NOX4: variants seen among roughly 807,000 people sequenced by gnomAD.
NOX4 encodes the protein kidney oxidase-1.
A neutral mutation model predicts 87.6 loss-of-function variants in NOX4; 69 were observed. The observed-to-expected ratio is 0.79, with a 90% CI of 0.65 to 0.96. The LOEUF is 0.96. Among genes scored for constraint, NOX4 ranks in the 40% least tolerant of loss-of-function variants. The probability of loss-of-function intolerance (pLI) is 0.00; values close to 1 mark genes in which losing one functional copy is unlikely to be tolerated. For synonymous variants in NOX4, 275 were observed against 238.2 expected (o/e 1.15, Z -1.42); for missense variants, 680 against 681.5 (o/e 1.00, Z 0.02).
chr11:89,375,105 G>A (rs373232145), intron 11 of NOX4, among the ~76,000 whole-genome samples: 2 of 152,022 alleles, frequency 1.3e-5, no homozygotes, highest in Non-Finnish European at 2.9e-5. Flanking sequence ...TATGTCCAAG[G>A]TTTGGAATTA....
At chr11:89,377,378 C>T (rs1398963206) in intron 11 of NOX4, among the ~76,000 whole-genome samples, 2 of 152,096 alleles carry the variant, frequency 1.3e-5, no homozygotes, top group Admixed American at 1.3e-4. Context: ...CTAGAATACA[C>T]ATTCACCTAA....
the NOX4 span, among the ~76,000 whole-genome samples, chr11:89,555,832 A>G: frequency 6.6e-6 from 1 of 152,316 alleles, no homozygotes; most frequent in South Asian, 2.1e-4. Context: ...TAGCTAGTAA[A>G]ATCTGCAAAT....
chr11:89,581,644 G>C, the NOX4 span, among the ~76,000 whole-genome samples: 1 of 152,008 alleles, frequency 6.6e-6, no homozygotes, highest in Non-Finnish European at 1.5e-5. Context: ...AAAATGTCAT[G>C]GTTCAAAGAG....
At chr11:89,433,479 A>T (rs779487788) in intron 6 of NOX4, among the ~76,000 whole-genome samples, 29 of 152,162 alleles carry the variant, frequency 1.9e-4, no homozygotes, top group Non-Finnish European at 3.4e-4. Context: ...TAAACACCAT[A>T]GTACTAAATC....
At chr11:89,374,025 G>A (rs577368277) in intron 11 of NOX4, among the ~76,000 whole-genome samples, 1 of 152,042 alleles carries the variant, frequency 6.6e-6, no homozygotes, top group Non-Finnish European at 1.5e-5. Context: ...GGTGAGGGTA[G>A]CTGGGGAGAG....
the NOX4 span, among the ~76,000 whole-genome samples, chr11:89,576,353 T>C: frequency 2.0e-5 from 3 of 152,194 alleles, no homozygotes; most frequent in Admixed American, 6.5e-5. Flanking sequence ...TTTTTTCTGG[T>C]TTGGTTTCCA....
At chr11:89,399,179 T>C (rs1205086271) in intron 11 of NOX4, among the ~76,000 whole-genome samples, 2 of 151,460 alleles carry the variant, frequency 1.3e-5, no homozygotes, top group East Asian at 3.9e-4. Flanking sequence ...ATGGTGTCCA[T>C]TATTTAGCTA....
the NOX4 span, among the ~76,000 whole-genome samples, chr11:89,513,258 T>C: frequency 6.6e-6 from 1 of 151,778 alleles, no homozygotes; most frequent in Non-Finnish European, 1.5e-5. Context: ...AGGTGGAGGT[T>C]GCAGTGAGCC....
chr11:89,328,856 A>T (rs1265097605), intron 17 of NOX4, among the ~76,000 whole-genome samples: 2 of 152,108 alleles, frequency 1.3e-5, no homozygotes, highest in Non-Finnish European at 2.9e-5. Flanking sequence ...GACACCAGGG[A>T]AGTGCATGCA....
chr11:89,519,656 T>G, the NOX4 span, among the ~76,000 whole-genome samples: 1 of 152,046 alleles, frequency 6.6e-6, no homozygotes, highest in Non-Finnish European at 1.5e-5. Context: ...AGCCAAAGTT[T>G]CAAGAGCTAG....
At chr11:89,390,424 T>G (rs1232739170) in intron 11 of NOX4, among the ~76,000 whole-genome samples, 2 of 152,234 alleles carry the variant, frequency 1.3e-5, no homozygotes, top group Admixed American at 1.3e-4. Flanking sequence ...CTTAAAATTT[T>G]ATTTAAAGCC....
At chr11:89,514,028 C>T in the NOX4 span, among the ~76,000 whole-genome samples, 1 of 152,002 alleles carries the variant, frequency 6.6e-6, no homozygotes, top group East Asian at 1.9e-4. Context: ...AAATAAATTT[C>T]TATTCATTAT....
chr11:89,453,335 C>T (rs1325299559), intron 2 of NOX4, among the ~76,000 whole-genome samples: 2 of 152,124 alleles, frequency 1.3e-5, no homozygotes, highest in Non-Finnish European at 2.9e-5. Context: ...TTTCACTTAG[C>T]ATAACATCCT....
chr11:89,420,237 C>T lies in NOX4; in HGVS notation c.629+1665G>A, dbSNP rs78346876. On this transcript the variant is annotated intron_variant, in intron 8 of 17. Transcript: ENST00000263317. ...TTAACAATATTATTTATTCTCATAACATTCTGAGCATTTAATAACATAAAG... is the reference window on the plus strand; with the variant it reads ...TTAACAATATTATTTATTCTCATAATATTCTGAGCATTTAATAACATAAAG... Among the ~76,000 whole-genome samples, 1,041 of 152,250 alleles carry T rather than the reference C, an allele frequency of 6.8e-3. 12 individuals carry two copies. The highest frequency in any genetic ancestry group is 0.023 in the African/African-American group (970 of 41,558).
At chr11:89,398,838 T>G (rs908626277) in intron 11 of NOX4, among the ~76,000 whole-genome samples, 20 of 151,978 alleles carry the variant, frequency 1.3e-4, no homozygotes, top group African/African-American at 4.1e-4. Context: ...TTTCCTACTG[T>G]GAAATATTAT....
intron 8 of NOX4, among the ~76,000 whole-genome samples, chr11:89,407,579 G>C (rs1942255889): frequency 6.6e-6 from 1 of 151,662 alleles, no homozygotes; most frequent in Non-Finnish European, 1.5e-5. Context: ...AAAGTTGTAG[G>C]TTTCTTTTTT....
upstream of NOX4, among the ~76,000 whole-genome samples, chr11:89,492,653 T>G (rs1322931475): frequency 6.6e-6 from 1 of 152,206 alleles, no homozygotes; most frequent in East Asian, 1.9e-4. Context: ...TAAATCTTTC[T>G]GAAGTTAGAG....
chr11:89,524,066 T>C, the NOX4 span, among the ~76,000 whole-genome samples: 1 of 152,182 alleles, frequency 6.6e-6, no homozygotes, highest in Non-Finnish European at 1.5e-5. Flanking sequence ...CTGTATTTGT[T>C]AGCTGTGGTG....
At chr11:89,433,096 T>C (rs1325845392) in intron 6 of NOX4, among the ~76,000 whole-genome samples, 1 of 152,118 alleles carries the variant, frequency 6.6e-6, no homozygotes, top group African/African-American at 2.4e-5. Flanking sequence ...TTTCCATACA[T>C]ATAAAGTAAA....
Sources: gnomAD v4.1 joint callset for allele counts (sites outside exome capture counted in the v4.1 genomes callset) on GRCh38, gnomAD v4.1.1 for gene constraint, MANE v1.5 for transcripts, NCBI Gene and HGNC (gene_info 2026-07-23, HGNC 2026-07-21) for gene names.